DACH1: variants seen among roughly 807,000 people sequenced by gnomAD.
The protein encoded by DACH1 is dachshund family transcription factor 1.
DACH1 carries 12 observed loss-of-function variants against 54.2 expected under a neutral mutation model. The ratio of observed to expected loss-of-function variants is 0.22; its 90% CI spans 0.14 to 0.36. The LOEUF (loss-of-function observed/expected upper bound fraction) is 0.36, where lower values mean the gene tolerates loss of function less well. DACH1 is among the 10% of genes least tolerant of loss of function. The pLI, the probability that DACH1 is intolerant of heterozygous loss-of-function variation, is 1.00. For synonymous variants in DACH1, 386 were observed against 366.2 expected (o/e 1.05, Z -0.62); for missense variants, 805 against 929.8 (o/e 0.87, Z 1.75).
intron 2 of DACH1, among the ~76,000 whole-genome samples, 191 bp downstream of exon 2, chr13:71,681,599 CTTTTA>C (rs1167172382): frequency 6.6e-6 from 1 of 152,062 alleles, no homozygotes; most frequent in Non-Finnish European, 1.5e-5. Flanking sequence ...CTCAGTTCAG[CTTTTA>C]TTTTATTTTA....
intron 1 of DACH1, among the ~76,000 whole-genome samples, chr13:71,794,775 CTTAT>C (rs1204263503): frequency 6.6e-6 from 1 of 152,144 alleles, no homozygotes; most frequent in Non-Finnish European, 1.5e-5. Flanking sequence ...GGCAGAATTC[CTTAT>C]ACTAATTTTT....
Position 71,639,432 on chromosome 13 carries a change from C to T in DACH1, c.965-8715G>A, listed in dbSNP as rs749850479. Reference sequence around the variant, plus strand: ...GAAAAAGAAAAATTGATCCTTGAGGCCATTAATGGAAACACTCCCTATACC... The same window carrying T: ...GAAAAAGAAAAATTGATCCTTGAGGTCATTAATGGAAACACTCCCTATACC... On this transcript the variant is annotated intron_variant, in intron 2 of 10. Coordinates refer to ENST00000613252, the MANE Select transcript of DACH1 (RefSeq NM_080759.6). Among the ~76,000 whole-genome samples the T allele has an allele frequency of 1.8e-4, 27 of 152,050 alleles. 1 individual carries two copies. The highest frequency in any genetic ancestry group is 1.7e-3 in the South Asian group (8 of 4,822).
At chr13:71,608,059 G>GTATATA (rs143952432) in intron 3 of DACH1, among the ~76,000 whole-genome samples, 2 of 147,312 alleles carry the variant, frequency 1.4e-5, no homozygotes, top group African/African-American at 2.5e-5. Flanking sequence ...ATTACAATGT[G>GTATATA]TATATATATA....
At chr13:71,623,809 G>T (rs377131847) in intron 3 of DACH1, among the ~76,000 whole-genome samples, 218 of 151,846 alleles carry the variant, frequency 1.4e-3, no homozygotes, top group African/African-American at 4.8e-3. Context: ...TAAATCTTCT[G>T]ACTTATTTTG....
chr13:71,589,041 AAAAT>A (rs1234028624), intron 3 of DACH1, among the ~76,000 whole-genome samples: 1 of 152,042 alleles, frequency 6.6e-6, no homozygotes, highest in Non-Finnish European at 1.5e-5. Context: ...TCAAAAAAAT[AAAAT>A]AAAAAGGAAG....
chr13:71,843,112 T>C (rs1048780199), intron 1 of DACH1, among the ~76,000 whole-genome samples: 4 of 152,196 alleles, frequency 2.6e-5, no homozygotes, highest in Non-Finnish European at 4.4e-5. Flanking sequence ...GGGTATGTAG[T>C]AGGTGTATAC....
At chr13:71,556,484 C>T (rs770807158) in intron 6 of DACH1, among the ~76,000 whole-genome samples, 4 of 151,980 alleles carry the variant, frequency 2.6e-5, no homozygotes, top group Middle Eastern at 3.4e-3. Context: ...ACATTTTTGC[C>T]TGTGAAAAAT....
At chr13:71,603,578 C>T (rs867745880) in intron 3 of DACH1, among the ~76,000 whole-genome samples, 10 of 151,940 alleles carry the variant, frequency 6.6e-5, no homozygotes, top group Non-Finnish European at 1.3e-4. Flanking sequence ...TAAAAAAATT[C>T]CACCATATTC....
At chr13:71,842,143 C>CAATATCTTCCTCTATAA (rs1181424900) in intron 1 of DACH1, among the ~76,000 whole-genome samples, 12 of 152,140 alleles carry the variant, frequency 7.9e-5, no homozygotes, top group Admixed American at 2.6e-4. Flanking sequence ...CTCTGTAATT[C>CAATATCTTCCTCTATAA]AATATCTTCC....
chr13:71,574,515 C>A (rs1370575774), intron 3 of DACH1, among the ~76,000 whole-genome samples: 1 of 152,078 alleles, frequency 6.6e-6, no homozygotes, highest in African/African-American at 2.4e-5. Context: ...ATTGTAAAAT[C>A]TCTACGACAT....
intron 3 of DACH1, among the ~76,000 whole-genome samples, chr13:71,598,269 T>G (rs571635226): frequency 6.6e-6 from 1 of 152,154 alleles, no homozygotes; most frequent in Non-Finnish European, 1.5e-5. Context: ...TGATGCTTTT[T>G]TTTGAGATGG....
At chr13:71,825,548 A>G (rs1481729608) in intron 1 of DACH1, among the ~76,000 whole-genome samples, 3 of 152,110 alleles carry the variant, frequency 2.0e-5, no homozygotes, top group Non-Finnish European at 4.4e-5. Context: ...AAATGGAATC[A>G]TGTAGCTGTG....
At chr13:71,734,950 C>G (rs554557769) in intron 1 of DACH1, among the ~76,000 whole-genome samples, 2 of 148,192 alleles carry the variant, frequency 1.3e-5, no homozygotes, top group South Asian at 4.2e-4. Flanking sequence ...AACACACACA[C>G]ACAGGATATA....
intron 6 of DACH1, among the ~76,000 whole-genome samples, chr13:71,549,882 C>A (rs1883697652): frequency 6.6e-6 from 1 of 151,964 alleles, no homozygotes; most frequent in African/African-American, 2.4e-5. Flanking sequence ...ACATGTTTCT[C>A]CTCAAAATAT....
chr13:71,842,475 G>A (rs1303322433), intron 1 of DACH1, among the ~76,000 whole-genome samples: 1 of 151,990 alleles, frequency 6.6e-6, no homozygotes, highest in South Asian at 2.1e-4. Flanking sequence ...CTACTCAGAA[G>A]GCTGAGGTGG....
At chr13:71,852,402 C>T (rs533436365) in intron 1 of DACH1, among the ~76,000 whole-genome samples, 2 of 150,540 alleles carry the variant, frequency 1.3e-5, no homozygotes, top group African/African-American at 4.9e-5. Flanking sequence ...GTTGCTTAAA[C>T]AGTGTTCTCC....
chr13:71,723,879 C>T (rs984763572), intron 1 of DACH1, among the ~76,000 whole-genome samples: 8 of 151,866 alleles, frequency 5.3e-5, no homozygotes, highest in Non-Finnish European at 1.0e-4. Context: ...TTAGTAGAAT[C>T]GGGGTTCCAC....
chr13:71,635,380 T>C (rs907967991), intron 2 of DACH1, among the ~76,000 whole-genome samples: 1 of 152,172 alleles, frequency 6.6e-6, no homozygotes, highest in Non-Finnish European at 1.5e-5. Context: ...CCTGATGTAA[T>C]TCTCAAATCC....
At chr13:71,592,106 C>T (rs1240732727) in intron 3 of DACH1, among the ~76,000 whole-genome samples, 1 of 152,028 alleles carries the variant, frequency 6.6e-6, no homozygotes, top group Non-Finnish European at 1.5e-5. Context: ...AATATAGCAA[C>T]AATCAAAGAG....
Sources: gnomAD v4.1 joint callset for allele counts (sites outside exome capture counted in the v4.1 genomes callset) on GRCh38, gnomAD v4.1.1 for gene constraint, MANE v1.5 for transcripts, NCBI Gene and HGNC (gene_info 2026-07-23, HGNC 2026-07-21) for gene names.